Variants in SLCO2A1 observed in about 807,000 individuals in gnomAD.
SLCO2A1 encodes matrin F/G 1.
Under a neutral mutation model 71.7 loss-of-function variants are expected in SLCO2A1, and 60 were observed. That is an observed-to-expected ratio of 0.84 (90% confidence interval 0.68 to 1.04). The LOEUF is 1.04. Among genes scored for constraint, SLCO2A1 ranks in the 50% least tolerant of loss-of-function variants. The pLI is 0.00. For synonymous variants in SLCO2A1, 308 were observed against 326.7 expected (o/e 0.94, Z 0.62); for missense variants, 745 against 813.4 (o/e 0.92, Z 1.02).
intron 11 of SLCO2A1, 127 bp from the exon 12 acceptor site, chr3:133,938,620 C>T (rs1933335304): frequency 2.5e-6 from 2 of 796,152 alleles, no homozygotes; most frequent in African/African-American, 1.7e-5. Context: ...CCTCTGGTGA[C>T]CGGGTTCACC....
At chr3:133,953,820 G>A (rs2108045088) in intron 4 of SLCO2A1, 59 bp from the exon 5 acceptor site, 1 of 1,370,076 alleles carries the variant, frequency 7.3e-7, no homozygotes, top group Non-Finnish European at 1.0e-6. Context: ...TGGCAGCCTT[G>A]GGCTCCCAAG....
At chr3:134,007,642 T>C (rs985811757) in intron 1 of SLCO2A1, among the ~76,000 whole-genome samples, 1 of 152,044 alleles carries the variant, frequency 6.6e-6, no homozygotes, top group Non-Finnish European at 1.5e-5. Context: ...GACCCTGGAG[T>C]AGTGGGCAGG....
chr3:133,959,841 C>A (rs988541168), intron 3 of SLCO2A1, among the ~76,000 whole-genome samples: 1 of 151,764 alleles, frequency 6.6e-6, no homozygotes, highest in Non-Finnish European at 1.5e-5. Flanking sequence ...TACTAATGGG[C>A]CGGGTGCGGT....
At position 133,951,209 on chromosome 3, in the gene SLCO2A1, TTTGCTCCTATGGGCA is replaced by T. The variant is rs1329894079; in HGVS notation, c.845_859del (p.Met282_Ala286del). On this transcript the variant is annotated inframe_deletion and splice_region_variant, in exon 6 of 14. Coordinates refer to ENST00000310926, the MANE Select transcript of SLCO2A1 (RefSeq NM_005630.3). The stretch of plus-strand genomic sequence containing the variant: ...AGTCATGGGCTCTTGGAACCTTACC[TTTGCTCCTATGGGCA>T]TTGCTCGAGGGAAGAAAAAAAAGGG... 6.2e-7 allele frequency: 1 copy of T among 1,614,046 alleles called. No homozygotes were observed. Among genetic ancestry groups the T allele is most frequent in the Admixed American group, 1.7e-5 (1 of 60,018 alleles).
chr3:133,956,679 A>G (rs1307823827), intron 3 of SLCO2A1, among the ~76,000 whole-genome samples: 1 of 152,248 alleles, frequency 6.6e-6, no homozygotes, highest in Non-Finnish European at 1.5e-5. Context: ...TGGCCCGACC[A>G]CATGGTGATA....
intron 1 of SLCO2A1, among the ~76,000 whole-genome samples, chr3:134,026,490 C>T (rs554888984): frequency 2.0e-5 from 3 of 152,030 alleles, no homozygotes; most frequent in African/African-American, 7.2e-5. Context: ...CTATGCTTCC[C>T]GCGAAAAGAG....
intron 1 of SLCO2A1, among the ~76,000 whole-genome samples, 162 bp downstream of exon 1, chr3:134,029,545 C>A (rs1935778679): frequency 6.6e-6 from 1 of 152,094 alleles, no homozygotes. Context: ...CACTCGCACA[C>A]ACACGCCCAG....
intron 1 of SLCO2A1, among the ~76,000 whole-genome samples, chr3:133,982,978 T>G (rs146439302): frequency 1.4e-4 from 21 of 152,270 alleles, no homozygotes; most frequent in African/African-American, 3.9e-4. Flanking sequence ...CCTGCCTCCA[T>G]ATTTTCTGCT....
chr3:133,983,889 G>T lies in SLCO2A1; in HGVS notation c.97-4271C>A, dbSNP rs557394602. 9.4e-4 allele frequency among the ~76,000 whole-genome samples: 143 copies of T among 152,278 alleles called. 1 individual carries two copies. Among genetic ancestry groups the T allele is most frequent in the African/African-American group, 3.3e-3 (137 of 41,546 alleles). ...CACCAAATTAGAGGCTCTTGCAAAG[G>T]CTGGCTTGACACCGCTGTCACCGAT... On this transcript the variant is annotated intron_variant, in intron 1 of 13. Coordinates refer to ENST00000310926, the MANE Select transcript of SLCO2A1 (RefSeq NM_005630.3).
chr3:133,964,954 G>A (rs149460865), intron 3 of SLCO2A1, among the ~76,000 whole-genome samples: 88 of 152,322 alleles, frequency 5.8e-4, no homozygotes, highest in Middle Eastern at 3.4e-3. Context: ...GTTCTTTAGT[G>A]GATGAAGGGA....
intron 1 of SLCO2A1, among the ~76,000 whole-genome samples, chr3:133,992,132 A>G (rs1380285326): frequency 6.6e-6 from 1 of 152,332 alleles, no homozygotes; most frequent in South Asian, 2.1e-4. Flanking sequence ...TTCAGCAAAA[A>G]TCACTTGAAG....
intron 1 of SLCO2A1, among the ~76,000 whole-genome samples, chr3:134,012,040 A>T (rs150941918): frequency 8.5e-5 from 13 of 152,272 alleles, no homozygotes; most frequent in Admixed American, 3.9e-4. Context: ...AGCCTGAGAC[A>T]CTCACATGAG....
chr3:133,974,370 G>A (rs555687821), intron 2 of SLCO2A1, among the ~76,000 whole-genome samples: 22 of 152,152 alleles, frequency 1.4e-4, no homozygotes, highest in Non-Finnish European at 2.6e-4. Context: ...CAAAACTGGG[G>A]TTCAGAATAT....
At position 133,984,716 on chromosome 3, in the gene SLCO2A1, T is replaced by A. The variant is rs116531576; in HGVS notation, c.97-5098A>T. Among the ~76,000 whole-genome samples, 511 of 152,272 alleles carry A rather than the reference T, an allele frequency of 3.4e-3. 7 individuals are homozygous for A. Among genetic ancestry groups the A allele is most frequent in the African/African-American group, 0.012 (490 of 41,556 alleles). On this transcript the variant is annotated intron_variant, in intron 1 of 13. Transcript: ENST00000310926. ...ACACAGGTTCAAGAGTACATGGAGA[T>A]GTATTGGTGGGAGGAAAAGGTTTGC... is the stretch of plus-strand genomic sequence containing the variant.
intron 2 of SLCO2A1, among the ~76,000 whole-genome samples, chr3:133,975,643 T>G (rs1359215282): frequency 6.6e-6 from 1 of 152,172 alleles, no homozygotes; most frequent in Non-Finnish European, 1.5e-5. Flanking sequence ...TGCACTCTTC[T>G]GCTCCTCTCC....
intron 1 of SLCO2A1, among the ~76,000 whole-genome samples, chr3:134,007,121 C>G (rs1284071565): frequency 2.6e-5 from 4 of 152,172 alleles, no homozygotes. Context: ...ACTTGTGTAT[C>G]ATTTTTAGAG....
intron 3 of SLCO2A1, among the ~76,000 whole-genome samples, chr3:133,968,627 C>A (rs551500345): frequency 6.6e-6 from 1 of 152,246 alleles, no homozygotes; most frequent in Non-Finnish European, 1.5e-5. Context: ...TTCCTGCCTG[C>A]GGCATCCATT....
intron 12 of SLCO2A1, among the ~76,000 whole-genome samples, chr3:133,938,048 A>G (rs1163441875): frequency 6.6e-6 from 1 of 152,210 alleles, no homozygotes; most frequent in Non-Finnish European, 1.5e-5. Context: ...AATTTTGTAA[A>G]ATGGAAAGGA....
intron 11 of SLCO2A1, among the ~76,000 whole-genome samples, chr3:133,940,265 G>A (rs1195812517): frequency 6.6e-6 from 1 of 152,148 alleles, no homozygotes; most frequent in African/African-American, 2.4e-5. Context: ...ACCACACCCG[G>A]CCTACAAAGT....
Sources: allele counts gnomAD v4.1 joint callset (sites outside exome capture counted in the v4.1 genomes callset), GRCh38; gene constraint gnomAD v4.1.1; transcripts MANE v1.5; gene names NCBI Gene and HGNC (gene_info 2026-07-23, HGNC 2026-07-21).